Variants in PCSK2 observed in about 807,000 individuals in gnomAD.
PCSK2 encodes the protein proprotein convertase subtilisin/kexin type 2.
PCSK2 carries 14 observed loss-of-function variants against 69.7 expected under a neutral mutation model. The ratio of observed to expected loss-of-function variants is 0.20; its 90% CI spans 0.13 to 0.31. The LOEUF (loss-of-function observed/expected upper bound fraction) is 0.31, where lower values mean the gene tolerates loss of function less well. Ranked by LOEUF, PCSK2 falls within the 10% of genes least tolerant of loss-of-function variation. PCSK2 has a pLI of 1.00. For missense variants in PCSK2, 544 were observed against 842.5 expected (o/e 0.65, Z 4.39); for synonymous variants, 307 against 320.7 (o/e 0.96, Z 0.46).
intron 5 of PCSK2, 61 bp from the exon 6 acceptor site, chr20:17,409,202 C>A (rs539284923): frequency 7.9e-6 from 10 of 1,273,718 alleles, no homozygotes; most frequent in African/African-American, 1.5e-5. Context: ...AGTCTCCCAG[C>A]GCTTTCCCTT....
intron 10 of PCSK2, among the ~76,000 whole-genome samples, chr20:17,458,495 A>C (rs751845858): frequency 6.6e-6 from 1 of 152,208 alleles, no homozygotes; most frequent in African/African-American, 2.4e-5. Context: ...CTCTAGCTTT[A>C]GGCAAAGCGG....
chr20:17,481,151 C>A (rs891834112), intron 11 of PCSK2, among the ~76,000 whole-genome samples: 1 of 152,072 alleles, frequency 6.6e-6, no homozygotes, highest in South Asian at 2.1e-4. Context: ...GAGGCCAAGG[C>A]AGCTGGATCA....
rs1374886287 is a variant in PCSK2 at position 17,336,804 on chromosome 20, C to T, written c.283-21523C>T. 3.3e-5 allele frequency among the ~76,000 whole-genome samples: 5 copies of T among 152,096 alleles called. No individual in the cohort carries two copies. In the South Asian group the frequency reaches 6.2e-4, roughly 19 times the overall value. ...AGCTCCATCCGTGTCTGAAGAGGGT[C>T]GACTGAAAGCTGAGATGAACTGAGG... On this transcript the variant is annotated intron_variant, in intron 2 of 11. Transcript: ENST00000262545.
At chr20:17,346,622 T>C (rs1199353194) in intron 2 of PCSK2, among the ~76,000 whole-genome samples, 2 of 152,198 alleles carry the variant, frequency 1.3e-5, no homozygotes, top group African/African-American at 4.8e-5. Context: ...AGACACTCAT[T>C]GAGAGGAACA....
chr20:17,362,419 G>C (rs1384026158), intron 4 of PCSK2, among the ~76,000 whole-genome samples: 1 of 152,200 alleles, frequency 6.6e-6, no homozygotes, highest in Non-Finnish European at 1.5e-5. Context: ...TGGGTTGCTG[G>C]AGTTCATCTG....
intron 8 of PCSK2, among the ~76,000 whole-genome samples, chr20:17,443,631 T>C (rs1346869988): frequency 6.6e-6 from 1 of 152,124 alleles, no homozygotes; most frequent in African/African-American, 2.4e-5. Flanking sequence ...GTGCCCTCTG[T>C]CCAGACTGAC....
chr20:17,281,281 C>T (rs1358601774), intron 2 of PCSK2, among the ~76,000 whole-genome samples: 1 of 152,230 alleles, frequency 6.6e-6, no homozygotes. Flanking sequence ...TACCTAACTT[C>T]AGCCTTCCTG....
At chr20:17,282,211 C>G (rs1484925150) in intron 2 of PCSK2, among the ~76,000 whole-genome samples, 1 of 152,028 alleles carries the variant, frequency 6.6e-6, no homozygotes, top group African/African-American at 2.4e-5. Context: ...AAATGGCAGA[C>G]AGACAATCCC....
intron 8 of PCSK2, among the ~76,000 whole-genome samples, chr20:17,444,650 TA>T (rs2032664618): frequency 6.6e-6 from 1 of 152,162 alleles, no homozygotes; most frequent in Non-Finnish European, 1.5e-5. Flanking sequence ...TCAAGTAGTT[TA>T]TTGGGAAGGT....
At chr20:17,231,774 C>G (rs2122929988) in intron 1 of PCSK2, among the ~76,000 whole-genome samples, 1 of 152,278 alleles carries the variant, frequency 6.6e-6, no homozygotes, top group Admixed American at 6.5e-5. Flanking sequence ...TGCTGGGTCC[C>G]ATCTAGAGGC....
At chr20:17,313,887 G>A (rs758290245) in intron 2 of PCSK2, among the ~76,000 whole-genome samples, 9 of 152,276 alleles carry the variant, frequency 5.9e-5, no homozygotes, top group African/African-American at 1.9e-4. Flanking sequence ...GACACAAATC[G>A]TGTGTACCTG....
rs544480026 is a variant in PCSK2, at chr20:17,437,751, G to A, written c.885+868G>A. 3.3e-5 allele frequency among the ~76,000 whole-genome samples: 5 copies of A among 152,318 alleles called. No individual in the cohort carries two copies. The South Asian group carries it at 6.2e-4, about 19-fold the overall frequency. ...GCACAGAACACAACTCCTTTACTAC[G>A]CTTGGGATGCTCTGGGTCAGGAATT... is the stretch of plus-strand genomic sequence containing the variant. On this transcript the variant is annotated intron_variant, in intron 8 of 11. Transcript: ENST00000262545.
intron 6 of PCSK2, among the ~76,000 whole-genome samples, chr20:17,421,582 T>C (rs186371937): frequency 0.013 from 1,960 of 152,192 alleles, 17 homozygotes; most frequent in Non-Finnish European, 0.02. Flanking sequence ...TTCTGTTGTC[T>C]AAGAATCTGT....
At chr20:17,349,349 T>C (rs1001786870) in intron 2 of PCSK2, among the ~76,000 whole-genome samples, 6 of 152,224 alleles carry the variant, frequency 3.9e-5, no homozygotes, top group Non-Finnish European at 8.8e-5. Flanking sequence ...TTCTGTGAGA[T>C]GAAGGATACA....
chr20:17,412,966 C>T (rs1414683393), intron 6 of PCSK2, among the ~76,000 whole-genome samples: 1 of 152,138 alleles, frequency 6.6e-6, no homozygotes, highest in East Asian at 1.9e-4. Context: ...AAATCCTTTA[C>T]AGACAAGCAA....
rs187952003 is a variant in PCSK2 at position 17,466,854 on chromosome 20, C to G, written c.1430+1301C>G. ...ACAGGCACCCTTTGTTTTTGCTTCT[C>G]TCTCTGTAGATTCGTTTCACCAGTT... On this transcript the variant is annotated intron_variant, in intron 11 of 11. Transcript: ENST00000262545. Among the ~76,000 whole-genome samples the G allele has an allele frequency of 7.2e-5, 11 of 152,314 alleles. No homozygotes were observed. In the East Asian group the frequency reaches 2.1e-3, roughly 29 times the overall value.
chr20:17,394,046 C>G (rs2031451536), intron 5 of PCSK2, among the ~76,000 whole-genome samples: 1 of 152,140 alleles, frequency 6.6e-6, no homozygotes, highest in Non-Finnish European at 1.5e-5. Context: ...GTCTGTAGTC[C>G]CAACAACTTG....
intron 1 of PCSK2, among the ~76,000 whole-genome samples, chr20:17,234,152 C>T (rs958738074): frequency 1.3e-5 from 2 of 152,172 alleles, no homozygotes; most frequent in African/African-American, 4.8e-5. Flanking sequence ...CTCTAAACCT[C>T]GAAGGCAAAC....
At chr20:17,263,653 C>A (rs543510829) in intron 2 of PCSK2, among the ~76,000 whole-genome samples, 7 of 152,322 alleles carry the variant, frequency 4.6e-5, no homozygotes, top group African/African-American at 1.7e-4. Context: ...CCTAGCACCT[C>A]TTTTACATAC....
Sources: allele counts gnomAD v4.1 joint callset (sites outside exome capture counted in the v4.1 genomes callset), GRCh38; gene constraint gnomAD v4.1.1; transcripts MANE v1.5; gene names NCBI Gene and HGNC (gene_info 2026-07-23, HGNC 2026-07-21).